Variants in CCSER1 observed in about 807,000 individuals in gnomAD.
CCSER1 encodes the protein coiled-coil serine rich protein 1, also known as serine-rich coiled-coil domain-containing protein 1.
Under a neutral mutation model 82.0 loss-of-function variants are expected in CCSER1, and 41 were observed. That is an observed-to-expected ratio of 0.50 (90% confidence interval 0.39 to 0.65). The LOEUF is 0.65. CCSER1 is among the 30% of genes least tolerant of loss of function. The pLI is 0.00. For synonymous variants in CCSER1, 414 were observed against 383.9 expected, an observed-to-expected ratio of 1.08 and a Z score of -0.92; for missense variants, 1,119 against 1,064.2, an observed-to-expected ratio of 1.05 and a Z score of -0.72.
At chr4:91,507,666 A>G (rs772115894) in intron 10 of CCSER1, among the ~76,000 whole-genome samples, 1 of 151,820 alleles carries the variant, frequency 6.6e-6, no homozygotes, top group East Asian at 1.9e-4. Context: ...CGTCCTTTAC[A>G]TATATATAAC....
chr4:91,504,924 A>AT lies in CCSER1; in HGVS notation c.2218-93646dup, dbSNP rs1167729358. ...TTCACTTTGTCTTTTTACCTCTCAA[A>AT]TTATTTTATTCTTTAAAAAAATTAT... On this transcript the variant is annotated intron_variant, in intron 10 of 10. Transcript: ENST00000509176. Among the ~76,000 whole-genome samples, 5 of 152,210 alleles carry AT rather than the reference A, an allele frequency of 3.3e-5. No individual in the cohort carries two copies. The East Asian group carries it at 9.6e-4, about 29-fold the overall frequency.
chr4:91,331,741 C>T (rs773310339), intron 10 of CCSER1, among the ~76,000 whole-genome samples: 12 of 152,132 alleles, frequency 7.9e-5, no homozygotes, highest in Non-Finnish European at 1.8e-4. Context: ...GCCCCACCCA[C>T]TAGGCTTGTA....
chr4:90,888,584 A>T (rs917081225), intron 8 of CCSER1, among the ~76,000 whole-genome samples: 1 of 152,192 alleles, frequency 6.6e-6, no homozygotes, highest in Non-Finnish European at 1.5e-5. Context: ...ATAAAATAAA[A>T]CAATACCAGT....
intron 10 of CCSER1, among the ~76,000 whole-genome samples, chr4:91,168,909 C>G (rs564640612): frequency 7.2e-5 from 11 of 152,086 alleles, no homozygotes; most frequent in African/African-American, 1.2e-4. Flanking sequence ...CCCCCAACCC[C>G]GTGCTCTCTG....
intron 10 of CCSER1, among the ~76,000 whole-genome samples, chr4:91,331,474 T>C (rs1379813276): frequency 6.6e-6 from 1 of 152,142 alleles, no homozygotes. Flanking sequence ...ACTGGCTTGC[T>C]GCTCTGCCAC....
chr4:90,334,676 AAT>A (rs1338766286), intron 3 of CCSER1, among the ~76,000 whole-genome samples: 1 of 152,154 alleles, frequency 6.6e-6, no homozygotes, highest in African/African-American at 2.4e-5. Flanking sequence ...CCCATTAGTG[AAT>A]AGTTACCCAA....
At chr4:90,689,523 A>G (rs1417450966) in intron 6 of CCSER1, among the ~76,000 whole-genome samples, 5 of 152,182 alleles carry the variant, frequency 3.3e-5, no homozygotes, top group Admixed American at 3.3e-4. Flanking sequence ...TTCACTTATC[A>G]TTCATGCAGC....
chr4:91,157,943 T>C (rs1045174207), intron 10 of CCSER1, among the ~76,000 whole-genome samples: 8 of 152,038 alleles, frequency 5.3e-5, no homozygotes, highest in African/African-American at 1.9e-4. Flanking sequence ...ATTCTTCATT[T>C]CTACATGGAT....
chr4:90,588,967 A>G (rs1326244397), intron 5 of CCSER1, among the ~76,000 whole-genome samples: 1 of 152,220 alleles, frequency 6.6e-6, no homozygotes, highest in Non-Finnish European at 1.5e-5. Context: ...ACTGGTATGC[A>G]AATAAGCAGA....
chr4:91,369,331 A>T (rs1432407890), intron 10 of CCSER1, among the ~76,000 whole-genome samples: 2 of 152,220 alleles, frequency 1.3e-5, no homozygotes, highest in African/African-American at 4.8e-5. Flanking sequence ...TTTCTAACAC[A>T]TAATATCAGA....
intron 5 of CCSER1, among the ~76,000 whole-genome samples, chr4:90,585,337 A>G (rs1206381857): frequency 6.6e-6 from 1 of 152,154 alleles, no homozygotes; most frequent in Non-Finnish European, 1.5e-5. Flanking sequence ...TTTTTGACAA[A>G]ATCCTTTATG....
chr4:91,262,717 T>G (rs1315788823), intron 10 of CCSER1, among the ~76,000 whole-genome samples: 1 of 152,022 alleles, frequency 6.6e-6, no homozygotes, highest in East Asian at 1.9e-4. Flanking sequence ...TTCTAGCCAG[T>G]GACATTTTTA....
In CCSER1 at chr4:90,394,781, A is replaced by C. The variant is rs143098304; in HGVS notation, c.1510-5255A>C. Among the ~76,000 whole-genome samples the C allele has an allele frequency of 7.8e-4, 119 of 152,166 alleles. 1 individual carries two copies. The East Asian group carries it at 0.019, about 24-fold the overall frequency. ...TCTTTATTTTTTATGATTCTATGAC[A>C]TTTCATGTTATTAGTTGAAAAATAA... On this transcript the variant is annotated intron_variant, in intron 3 of 10. Transcript: ENST00000509176.
chr4:91,572,269 G>A (rs186330118), intron 10 of CCSER1, among the ~76,000 whole-genome samples: 297 of 152,278 alleles, frequency 2.0e-3, no homozygotes, highest in African/African-American at 6.6e-3. Flanking sequence ...CTGTGAAACA[G>A]TGAAGATAGC....
intron 9 of CCSER1, among the ~76,000 whole-genome samples, chr4:91,037,236 A>T (rs865874844): frequency 0.018 from 596 of 32,338 alleles, 6 homozygotes; most frequent in African/African-American, 0.048. Flanking sequence ...TCTCTGTCAC[A>T]CACACACACA....
chr4:90,217,096 A>G lies in CCSER1; in HGVS notation c.-42+89265A>G, dbSNP rs143638539. ...GATTTGACTTGGATGTTATTGGTGT[A>G]TAGCAGTGCTACTAATTTTCGTACA... On this transcript the variant is annotated intron_variant, in intron 1 of 10. Coordinates refer to ENST00000509176, the MANE Select transcript of CCSER1 (RefSeq NM_001145065.2). 6.6e-5 allele frequency among the ~76,000 whole-genome samples: 10 copies of G among 152,272 alleles called. No homozygotes were observed. In the East Asian group the frequency reaches 1.5e-3, roughly 24 times the overall value.
intron 10 of CCSER1, among the ~76,000 whole-genome samples, chr4:91,196,854 C>T (rs1187421368): frequency 6.6e-6 from 1 of 152,212 alleles, no homozygotes; most frequent in African/African-American, 2.4e-5. Context: ...CTAAAATCTA[C>T]TGCCTATCAC....
intron 3 of CCSER1, among the ~76,000 whole-genome samples, chr4:90,344,556 G>T (rs1011174903): frequency 1.3e-5 from 2 of 152,036 alleles, no homozygotes; most frequent in Admixed American, 6.6e-5. Flanking sequence ...AATCGGAAAT[G>T]CATTTAGTAC....
chr4:90,584,633 A>C (rs1002909446), intron 5 of CCSER1, among the ~76,000 whole-genome samples: 2 of 152,196 alleles, frequency 1.3e-5, no homozygotes, highest in African/African-American at 2.4e-5. Context: ...GCAGTGATAG[A>C]AGACTAATAC....
Sources: allele counts gnomAD v4.1 joint callset (sites outside exome capture counted in the v4.1 genomes callset), GRCh38; gene constraint gnomAD v4.1.1; transcripts MANE v1.5; gene names NCBI Gene and HGNC (gene_info 2026-07-23, HGNC 2026-07-21).